The following FLT1 variants were observed in gnomAD, a reference collection of about 807,000 sequenced individuals.
FLT1 encodes the protein vascular endothelial growth factor receptor 1.
A neutral mutation model predicts 156.3 loss-of-function variants in FLT1; 49 were observed. The observed-to-expected ratio is 0.31, with a 90% CI of 0.25 to 0.40. The LOEUF is 0.40. Ranked by LOEUF, FLT1 falls within the 10% of genes least tolerant of loss-of-function variation. The pLI is 1.00. For synonymous variants in FLT1, 594 were observed against 583.8 expected (o/e 1.02, Z -0.25); for missense variants, 1,322 against 1,637.2 (o/e 0.81, Z 3.32).
At chr13:28,345,261 C>G (rs1190378269) in intron 16 of FLT1, among the ~76,000 whole-genome samples, 184 bp downstream of exon 16, 5 of 151,956 alleles carry the variant, frequency 3.3e-5, no homozygotes, top group Non-Finnish European at 7.4e-5. Context: ...CTTTTGAACA[C>G]CCCCCCTTGT....
chr13:28,331,136 C>T (rs1871914409), intron 18 of FLT1, among the ~76,000 whole-genome samples: 2 of 152,152 alleles, frequency 1.3e-5, no homozygotes, highest in Non-Finnish European at 2.9e-5. Flanking sequence ...TGCACACATG[C>T]AAGTGTTTCT....
intron 10 of FLT1, among the ~76,000 whole-genome samples, chr13:28,406,627 T>TTTATTA (rs59281827): frequency 2.0e-5 from 1 of 51,166 alleles, no homozygotes; most frequent in African/African-American, 5.0e-5. Flanking sequence ...CAAGAGGAAT[T>TTTATTA]TTATTATTAT....
At chr13:28,386,670 T>G (rs1316149694) in intron 13 of FLT1, 1 of 1,056,946 alleles carries the variant, frequency 9.5e-7, no homozygotes, top group African/African-American at 1.6e-5. Context: ...GCAGTCCTGT[T>G]TAAAACCTTT....
At chr13:28,371,031 G>A (rs1873539723) in intron 14 of FLT1, among the ~76,000 whole-genome samples, 1 of 152,178 alleles carries the variant, frequency 6.6e-6, no homozygotes, top group Admixed American at 6.5e-5. Context: ...ATATTACAGT[G>A]TATGCCTGCT....
At position 28,302,208 on chromosome 13, in the gene FLT1, AC is replaced by A. The variant is rs1870543509; in HGVS notation, c.*958del. 1 of 233,170 alleles carries A rather than the reference AC, an allele frequency of 4.3e-6. No homozygotes were observed. Among genetic ancestry groups the A allele is most frequent in the Admixed American group, 5.6e-5 (1 of 17,782 alleles). 14.4% of individuals were successfully genotyped at this position (233,170 alleles called of 1,614,324 possible). Reference sequence around the variant, plus strand: ...AACTAACTGTGCAAAACAGAATAATACCAAGAAATTGAGTTAAGTGTCTGGA... The same window carrying A: ...AACTAACTGTGCAAAACAGAATAATACAAGAAATTGAGTTAAGTGTCTGGA... On this transcript the variant is annotated 3_prime_UTR_variant, in exon 30 of 30. Transcript: ENST00000282397.
intron 12 of FLT1, among the ~76,000 whole-genome samples, chr13:28,392,361 T>G (rs1201266489): frequency 1.3e-5 from 2 of 152,216 alleles, no homozygotes; most frequent in Admixed American, 6.5e-5. Context: ...GTTGCTCTAA[T>G]TCAGCATCTT....
chr13:28,359,163 A>G (rs1873018417), intron 14 of FLT1, among the ~76,000 whole-genome samples: 1 of 152,234 alleles, frequency 6.6e-6, no homozygotes, highest in Non-Finnish European at 1.5e-5. Context: ...GATAATCAAA[A>G]CAGCATGGTA....
chr13:28,346,016 C>T (rs1872554807), intron 15 of FLT1, among the ~76,000 whole-genome samples: 2 of 149,362 alleles, frequency 1.3e-5, no homozygotes, highest in Admixed American at 1.3e-4. Flanking sequence ...TTGGGACTCA[C>T]AAAATTCTTC....
chr13:28,336,258 A>G lies in FLT1; in HGVS notation c.2489-2129T>C, dbSNP rs141656304. ...TCATTTGGCTTCCCTCAGCCTTTTC[A>G]TTTATTCTCTTGGAAGCTGACTGCT... On this transcript the variant is annotated intron_variant, in intron 17 of 29. Coordinates refer to ENST00000282397, the MANE Select transcript of FLT1 (RefSeq NM_002019.4). 2.0e-5 allele frequency among the ~76,000 whole-genome samples: 3 copies of G among 152,224 alleles called. No individual in the cohort carries two copies. The East Asian group carries it at 5.8e-4, about 29-fold the overall frequency.
chr13:28,384,833 G>A (rs1278208514), intron 14 of FLT1, 52 bp downstream of exon 14: 2 of 1,557,794 alleles, frequency 1.3e-6, no homozygotes, highest in Admixed American at 3.3e-5. Flanking sequence ...AAGGGAAAGG[G>A]GGGCTGATGA....
At chr13:28,390,809 A>G (rs1246443589) in intron 12 of FLT1, among the ~76,000 whole-genome samples, 1 of 152,244 alleles carries the variant, frequency 6.6e-6, no homozygotes, top group Non-Finnish European at 1.5e-5. Context: ...CCAAAGGCAC[A>G]CTTACGGTCA....
At chr13:28,339,085 C>G in intron 17 of FLT1, 83 bp downstream of exon 17, 1 of 1,366,780 alleles carries the variant, frequency 7.3e-7, no homozygotes, top group East Asian at 2.3e-5. Flanking sequence ...GTCTAGTTTA[C>G]TTTCGCATCT....
chr13:28,414,596 A>T (rs1400558344), intron 10 of FLT1, among the ~76,000 whole-genome samples: 1 of 152,226 alleles, frequency 6.6e-6, no homozygotes, highest in Non-Finnish European at 1.5e-5. Flanking sequence ...CATTAATGTT[A>T]GTTGTCAGTT....
At chr13:28,359,946 A>C (rs1250778788) in intron 14 of FLT1, among the ~76,000 whole-genome samples, 1 of 152,210 alleles carries the variant, frequency 6.6e-6, no homozygotes, top group Non-Finnish European at 1.5e-5. Flanking sequence ...CCCAGTCTCT[A>C]CTAAAAATAC....
chr13:28,389,560 G>C, intron 13 of FLT1: 1 of 1,435,928 alleles, frequency 7.0e-7, no homozygotes, highest in Non-Finnish European at 9.1e-7. Flanking sequence ...GGGGCCCAGA[G>C]CTGGGGCCCG....
rs945910269 is a variant in FLT1, at chr13:28,322,330, T to C, written c.2983A>G (p.Thr995Ala). Residue 995 changes from threonine (T) to alanine (A), a missense_variant, in exon 22 of 30, where the codon ACT (threonine) becomes GCT (alanine). By Grantham distance (58) the Thr-to-Ala change is moderately conservative. Around this residue, in one of 3 missense-constraint regions of FLT1, gnomAD observed 991 missense variants for 1,254.8 expected, o/e 0.79. Coordinates refer to ENST00000282397, the MANE Select transcript of FLT1 (RefSeq NM_002019.4). The surrounding 1 kb of genome is among the most constrained non-coding windows in gnomAD (Gnocchi z 4.3). Reference protein sequence around the residue: ...DSDGFYKEPITMEDLISYSFQ... With the variant: ...DSDGFYKEPIAMEDLISYSFQ... ...CTGTAAGAAATCAGATCTTCCATAG[T>C]GATGGGCTCCTTGTAGAAACCGTCA... 2 of 1,612,926 alleles carry C rather than the reference T, an allele frequency of 1.2e-6. No homozygotes were observed. Among genetic ancestry groups the C allele is most frequent in the African/African-American group, 2.7e-5 (2 of 74,932 alleles).
intron 1 of FLT1, among the ~76,000 whole-genome samples, chr13:28,474,485 G>GACAC (rs57021123): frequency 0.025 from 2,823 of 112,452 alleles, 38 homozygotes; most frequent in Middle Eastern, 0.054. Context: ...AACAACCACA[G>GACAC]ACACACACAC....
chr13:28,368,471 G>A, intron 14 of FLT1: 2 of 1,507,544 alleles, frequency 1.3e-6, no homozygotes, highest in South Asian at 1.3e-5. Context: ...TGTTATGATT[G>A]TCTTGGCTCT....
intron 13 of FLT1, chr13:28,387,627 G>A (rs536635694): frequency 9.4e-7 from 1 of 1,064,962 alleles, no homozygotes; most frequent in South Asian, 4.6e-5. Flanking sequence ...CCTCCGTTTG[G>A]AATGGGGACT....
Sources: gnomAD v4.1 joint callset for allele counts (sites outside exome capture counted in the v4.1 genomes callset) on GRCh38, gnomAD v4.1.1 for gene constraint, gnomAD v4.1.1 regional missense constraint, Gnocchi (gnomAD v3.1) non-coding constraint, MANE v1.5 for transcripts, NCBI Gene and HGNC (gene_info 2026-07-23, HGNC 2026-07-21) for gene names.